The following CPM variants were observed in gnomAD, a reference collection of about 807,000 sequenced individuals.
The protein encoded by CPM is carboxypeptidase M.
In CPM, 35 loss-of-function variants were observed where a neutral mutation model predicts 46.4. The ratio of observed to expected loss-of-function variants is 0.75; its 90% CI spans 0.58 to 1.00. The LOEUF is 1.00. Among genes scored for constraint, CPM ranks in the 50% least tolerant of loss-of-function variants. The probability of loss-of-function intolerance (pLI) is 0.00; values close to 1 mark genes in which losing one functional copy is unlikely to be tolerated. For synonymous variants in CPM, 195 were observed against 195.3 expected (o/e 1.00, Z 0.01); for missense variants, 422 against 530.4 (o/e 0.80, Z 2.01).
At chr12:68,880,584 A>T (rs932899250) in intron 3 of CPM, among the ~76,000 whole-genome samples, 8 of 152,210 alleles carry the variant, frequency 5.3e-5, no homozygotes, top group African/African-American at 1.9e-4. Flanking sequence ...TGAAAACCAT[A>T]AAACAGAACA....
chr12:68,939,640 G>C (rs1328294126), intron 1 of CPM, among the ~76,000 whole-genome samples: 4 of 152,078 alleles, frequency 2.6e-5, no homozygotes, highest in African/African-American at 7.2e-5. Flanking sequence ...GTAATAACGA[G>C]TCAGGATTCA....
intron 1 of CPM, among the ~76,000 whole-genome samples, chr12:68,945,605 G>GGAA (rs1888833535): frequency 3.0e-4 from 46 of 152,112 alleles, no homozygotes; most frequent in Admixed American, 2.9e-3. Context: ...CCCAATGTTG[G>GGAA]TATAACAAAA....
intron 2 of CPM, among the ~76,000 whole-genome samples, chr12:68,927,303 T>C (rs1592703593): frequency 1.3e-5 from 2 of 151,564 alleles, no homozygotes; most frequent in East Asian, 3.9e-4. Context: ...TTTGCATTTC[T>C]CTGATGGCCA....
chr12:68,860,675 C>T (rs938188001), intron 7 of CPM, among the ~76,000 whole-genome samples: 4 of 151,982 alleles, frequency 2.6e-5, no homozygotes, highest in Admixed American at 6.6e-5. Flanking sequence ...ATAGCGTGTA[C>T]CCATCATCAT....
At chr12:68,883,459 G>A (rs1398475559) in intron 3 of CPM, among the ~76,000 whole-genome samples, 8 of 152,054 alleles carry the variant, frequency 5.3e-5, no homozygotes, top group Non-Finnish European at 1.2e-4. Flanking sequence ...ACATTGCCAC[G>A]AGCTGGGTCA....
intron 1 of CPM, 61 bp from the exon 2 acceptor site, chr12:68,932,901 C>A (rs2136324948): frequency 6.7e-7 from 1 of 1,502,754 alleles, no homozygotes; most frequent in Non-Finnish European, 9.2e-7. Context: ...GGGGCATCAC[C>A]AGCTACGTCT....
At chr12:68,933,195 G>T (rs1002291417), upstream of CPM, 9 of 155,790 alleles carry the variant, frequency 5.8e-5, no homozygotes, top group Non-Finnish European at 2.8e-5. Context: ...GGGGCCGGGT[G>T]TTATAGCCCG....
chr12:68,900,641 G>A (rs1334217664), intron 2 of CPM, among the ~76,000 whole-genome samples: 1 of 152,134 alleles, frequency 6.6e-6, no homozygotes, highest in Non-Finnish European at 1.5e-5. Flanking sequence ...CCTTCAGTAG[G>A]TGAGGGGATA....
intron 2 of CPM, among the ~76,000 whole-genome samples, chr12:68,916,850 T>G (rs1328840142): frequency 1.4e-5 from 2 of 143,302 alleles, no homozygotes; most frequent in East Asian, 4.0e-4. Flanking sequence ...ATCGCACCAT[T>G]GCACTCCAGC....
intron 3 of CPM, among the ~76,000 whole-genome samples, chr12:68,872,344 C>T (rs2136233468): frequency 6.6e-6 from 1 of 151,228 alleles, no homozygotes; most frequent in Admixed American, 6.6e-5. Context: ...CCTCCGCCTC[C>T]TGGGTTCAAG....
At chr12:68,907,645 C>T (rs1887409226) in intron 2 of CPM, among the ~76,000 whole-genome samples, 3 of 152,158 alleles carry the variant, frequency 2.0e-5, no homozygotes, top group Non-Finnish European at 2.9e-5. Context: ...CTCCACCTGC[C>T]TTTAAAGAAT....
At chr12:68,930,274 G>A (rs1888446463) in intron 2 of CPM, among the ~76,000 whole-genome samples, 1 of 152,184 alleles carries the variant, frequency 6.6e-6, no homozygotes, top group African/African-American at 2.4e-5. Context: ...TAGAGACAAC[G>A]TTTCACCATG....
chr12:68,932,994 G>A, intron 1 of CPM, 148 bp downstream of exon 1: 1 of 636,952 alleles, frequency 1.6e-6, no homozygotes, highest in Non-Finnish European at 2.6e-6. Flanking sequence ...ACCTTCGGGA[G>A]TGAGCCGTGC....
At chr12:68,871,628 C>A (rs761439680) in intron 4 of CPM, 156 bp downstream of exon 4, 2 of 785,486 alleles carry the variant, frequency 2.5e-6, no homozygotes, top group Non-Finnish European at 4.1e-6. Flanking sequence ...CCGGAGGCAG[C>A]CCTGATGTGC....
At chr12:68,943,210 C>A (rs996980830) in intron 1 of CPM, among the ~76,000 whole-genome samples, 1 of 152,236 alleles carries the variant, frequency 6.6e-6, no homozygotes, top group Non-Finnish European at 1.5e-5. Flanking sequence ...CAAGTCACTG[C>A]ACCTCTTGGT....
chr12:68,875,586 G>A (rs1031029980), intron 3 of CPM, among the ~76,000 whole-genome samples: 5 of 151,896 alleles, frequency 3.3e-5, no homozygotes, highest in Non-Finnish European at 5.9e-5. Flanking sequence ...CAGGCAGATC[G>A]CCTGAGGTAG....
At chr12:68,876,917 TGTGAGA>T (rs1223612441) in intron 3 of CPM, among the ~76,000 whole-genome samples, 546 of 50,514 alleles carry the variant, frequency 0.011, 6 homozygotes, top group Middle Eastern at 0.03. Context: ...TGTGTGTGTG[TGTGAGA>T]GAGAGAGAGA....
rs1477345527 is a variant in CPM at position 68,854,722 on chromosome 12, G to C, written c.*1715C>G. 1 of 152,442 alleles carries C rather than the reference G, an allele frequency of 6.6e-6. No homozygotes were observed. Among genetic ancestry groups the C allele is most frequent in the African/African-American group, 2.4e-5 (1 of 41,442 alleles). The allele number at this position is 152,442 out of a possible 1,614,324, so 9.4% of individuals were successfully genotyped here. On this transcript the variant is annotated 3_prime_UTR_variant, in exon 9 of 9. Coordinates refer to ENST00000551568, the MANE Select transcript of CPM (RefSeq NM_198320.5). ...TCCCCTTCCCCAGTGCTGTGTGGAC[G>C]ATGGACTGAAGAGGAGAAGGCTGGG...
intron 1 of CPM, among the ~76,000 whole-genome samples, chr12:68,940,422 C>T (rs1888742797): frequency 6.6e-6 from 1 of 150,610 alleles, no homozygotes; most frequent in Non-Finnish European, 1.5e-5. Context: ...CTAGTGATCC[C>T]CTGTGCTCCA....
Sources: gnomAD v4.1 joint callset for allele counts (sites outside exome capture counted in the v4.1 genomes callset) on GRCh38, gnomAD v4.1.1 for gene constraint, MANE v1.5 for transcripts, NCBI Gene and HGNC (gene_info 2026-07-23, HGNC 2026-07-21) for gene names.